Variants in CACNA2D4 observed in about 807,000 individuals in gnomAD.
The protein encoded by CACNA2D4 is calcium voltage-gated channel auxiliary subunit alpha2delta 4.
CACNA2D4 carries 157 observed loss-of-function variants against 163.8 expected under a neutral mutation model. The observed-to-expected ratio is 0.96, with a 90% CI of 0.84 to 1.09. CACNA2D4 has a LOEUF of 1.09. Ranked by LOEUF, CACNA2D4 falls within the 50% of genes least tolerant of loss-of-function variation. CACNA2D4 has a pLI of 0.00. For missense variants in CACNA2D4, 1,410 were observed against 1,479.9 expected (o/e 0.95, Z 0.78); for synonymous variants, 598 against 586.9 (o/e 1.02, Z -0.27).
At chr12:1,831,070 C>G in intron 26 of CACNA2D4, 1 of 1,614,084 alleles carries the variant, frequency 6.2e-7, no homozygotes, top group Non-Finnish European at 8.5e-7. Context: ...GACGTGCCCG[C>G]AGCCACCCGA....
At chr12:1,809,291 C>G in intron 29 of CACNA2D4, 1 of 548,606 alleles carries the variant, frequency 1.8e-6, no homozygotes. Context: ...CTGCATCAGC[C>G]TCCACATCCC....
chr12:1,907,831 T>C, intron 5 of CACNA2D4, 44 bp downstream of exon 5: 4 of 1,608,012 alleles, frequency 2.5e-6, no homozygotes, highest in Middle Eastern at 1.7e-4. Context: ...GTGTGCTAGG[T>C]GGGCGTGCCT....
chr12:1,826,896 C>T (rs768975824), intron 26 of CACNA2D4, among the ~76,000 whole-genome samples: 3 of 152,196 alleles, frequency 2.0e-5, no homozygotes, highest in Non-Finnish European at 2.9e-5. Flanking sequence ...TGAAGCTTCT[C>T]GGCAGCTCCA....
chr12:1,819,548 A>G (rs1864011036), intron 26 of CACNA2D4, among the ~76,000 whole-genome samples: 1 of 152,132 alleles, frequency 6.6e-6, no homozygotes, highest in African/African-American at 2.4e-5. Flanking sequence ...TCATCTGTCT[A>G]CAGGCAGTGG....
Position 1,883,667 on chromosome 12 carries a change from C to T in CACNA2D4, c.1351+576G>A, listed in dbSNP as rs1052747931. On this transcript the variant is annotated intron_variant, in intron 12 of 37. Transcript: ENST00000382722. This position sits in a 1 kb window ranked among gnomAD's most constrained non-coding sequence, Gnocchi z 4.5. ...CCTCTGTCTGGAACACCCTTCCAGT[C>T]GCCCCACTGACTTGGAGAGTGCCTC... is the stretch of plus-strand genomic sequence containing the variant. Among the ~76,000 whole-genome samples, 5 of 152,156 alleles carry T rather than the reference C, an allele frequency of 3.3e-5. No individual in the cohort carries two copies. Among genetic ancestry groups the T allele is most frequent in the African/African-American group, 1.2e-4 (5 of 41,448 alleles).
chr12:1,894,379 G>A (rs757853235), intron 6 of CACNA2D4, among the ~76,000 whole-genome samples: 3 of 152,074 alleles, frequency 2.0e-5, no homozygotes, highest in Non-Finnish European at 4.4e-5. Flanking sequence ...TCCCTAACTC[G>A]TTCTGTGAGG....
At chr12:1,861,446 CTTT>C (rs35442066) in intron 18 of CACNA2D4, among the ~76,000 whole-genome samples, 1 of 139,040 alleles carries the variant, frequency 7.2e-6, no homozygotes. Flanking sequence ...TATTTTTACT[CTTT>C]TTTTTTTTTT....
In CACNA2D4 at chr12:1,799,195, CCA is replaced by C. The variant is rs1863228089; in HGVS notation, c.2995+478_2995+479del. Among the ~76,000 whole-genome samples the C allele has an allele frequency of 6.6e-6, 1 of 152,206 alleles. No individual in the cohort carries two copies. Among genetic ancestry groups the C allele is most frequent in the Non-Finnish European group, 1.5e-5 (1 of 68,032 alleles). On this transcript the variant is annotated intron_variant, in intron 34 of 37. Transcript: ENST00000382722. The surrounding 1 kb of genome is among the most constrained non-coding windows in gnomAD (Gnocchi z 4.7). ...TGCCGCCCTGCACGTGTGGCCACAG[CCA>C]CCGGGCTTTGTGTTGGGGCCTCTCA...
chr12:1,897,869 A>G (rs182640053), intron 6 of CACNA2D4, among the ~76,000 whole-genome samples: 1 of 152,338 alleles, frequency 6.6e-6, no homozygotes, highest in Non-Finnish European at 1.5e-5. Context: ...AGCTTGATCT[A>G]ATGGCATGTA....
chr12:1,916,834 G>A (rs954807263), intron 1 of CACNA2D4, among the ~76,000 whole-genome samples: 11 of 152,196 alleles, frequency 7.2e-5, no homozygotes, highest in Non-Finnish European at 1.3e-4. Flanking sequence ...TTCGGCGGGA[G>A]TGAGGACAGG....
At chr12:1,858,191 A>G (rs967583381) in intron 20 of CACNA2D4, among the ~76,000 whole-genome samples, 4 of 152,186 alleles carry the variant, frequency 2.6e-5, no homozygotes, top group Non-Finnish European at 5.9e-5. Context: ...TAGCAAATGA[A>G]TACAGGCTTC....
intron 36 of CACNA2D4, 125 bp from the exon 37 acceptor site, chr12:1,795,506 G>T: frequency 1.0e-6 from 1 of 1,001,344 alleles, no homozygotes. Flanking sequence ...GGGTCAGGAG[G>T]CAGCACCGGG....
Position 1,799,751 on chromosome 12 carries a change from C to A in CACNA2D4, c.2975-56G>T. On this transcript the variant is annotated intron_variant, in intron 33 of 37. Coordinates refer to ENST00000382722, the MANE Select transcript of CACNA2D4 (RefSeq NM_172364.5). The surrounding 1 kb of genome is among the most constrained non-coding windows in gnomAD (Gnocchi z 4.7). The stretch of plus-strand genomic sequence containing the variant: ...GACACGGCACAGGAAAACATGGTGG[C>A]ACATGAGGGCAGGATGTCATGGGGT... The A allele has an allele frequency of 6.4e-7, 1 of 1,553,998 alleles. No individual in the cohort carries two copies. The highest frequency in any genetic ancestry group is 8.7e-7 in the Non-Finnish European group (1 of 1,147,634).
intron 6 of CACNA2D4, among the ~76,000 whole-genome samples, chr12:1,890,857 G>A (rs947714999): frequency 3.3e-5 from 5 of 152,140 alleles, no homozygotes; most frequent in African/African-American, 4.8e-5. Context: ...AGGGTCCTGA[G>A]TTCAGGGCCA....
rs2154449632 is a variant in CACNA2D4 at position 1,882,967 on chromosome 12, G to A, written c.1385C>T (p.Thr462Ile). The A allele has an allele frequency of 6.2e-7, 1 of 1,613,296 alleles. No homozygotes were observed. The highest frequency in any genetic ancestry group is 8.5e-7 in the Non-Finnish European group (1 of 1,179,654). The change falls in exon 13 of 38, where the codon ACC becomes ATC. Residue 462 changes from threonine (T) to isoleucine (I), a missense_variant. Coordinates refer to ENST00000382722, the MANE Select transcript of CACNA2D4 (RefSeq NM_172364.5). ...CAGGTATTCCATCACGTTCTCCTGG[G>A]TGTCCGCCAGCGTTGAGATCTGCGT... ...YYTQISTLAD[T>I]QENVMEYLHV...
rs145975610 is a variant in CACNA2D4 at position 1,844,346 on chromosome 12, G to A, written c.2470+56C>T. ...TCCCACTAAGAGCACAGCAGGAGGA[G>A]AGATGAGACTGGCCTGAGACTGGCC... On this transcript the variant is annotated intron_variant, in intron 25 of 37. Transcript: ENST00000382722. This position sits in a 1 kb window ranked among gnomAD's most constrained non-coding sequence, Gnocchi z 4.2. 548 of 1,593,186 alleles carry A rather than the reference G, an allele frequency of 3.4e-4. 2 individuals carry two copies. In the African/African-American group the frequency reaches 6.9e-3, roughly 20 times the overall value.
chr12:1,839,248 C>T (rs959229943), intron 26 of CACNA2D4, among the ~76,000 whole-genome samples: 1 of 152,232 alleles, frequency 6.6e-6, no homozygotes, highest in Non-Finnish European at 1.5e-5. Flanking sequence ...GCTGCGTTCA[C>T]GGAGCCAGGA....
chr12:1,890,763 C>T (rs1021661567), intron 6 of CACNA2D4, among the ~76,000 whole-genome samples: 2 of 152,172 alleles, frequency 1.3e-5, no homozygotes, highest in Non-Finnish European at 2.9e-5. Context: ...CTCTCTGTTC[C>T]CCCCATCCAG....
intron 20 of CACNA2D4, among the ~76,000 whole-genome samples, chr12:1,858,172 T>C (rs1865440935): frequency 6.6e-6 from 1 of 152,240 alleles, no homozygotes; most frequent in Admixed American, 6.5e-5. Context: ...TACTTTGTGC[T>C]GGGAGCCTTA....
Sources: gnomAD v4.1 joint callset for allele counts (sites outside exome capture counted in the v4.1 genomes callset) on GRCh38, gnomAD v4.1.1 for gene constraint, Gnocchi (gnomAD v3.1) non-coding constraint, MANE v1.5 for transcripts, NCBI Gene and HGNC (gene_info 2026-07-23, HGNC 2026-07-21) for gene names.